SDHAF3: variants seen among roughly 807,000 people sequenced by gnomAD.
SDHAF3 encodes succinate dehydrogenase assembly factor 3, mitochondrial.
Under a neutral mutation model 11.5 loss-of-function variants are expected in SDHAF3, and 18 were observed. The ratio of observed to expected loss-of-function variants is 1.56; its 90% CI spans 1.08 to 2.32. The LOEUF (loss-of-function observed/expected upper bound fraction) is 2.32. Among genes scored for constraint, SDHAF3 ranks in the 30% most tolerant of loss-of-function variants. The pLI is 0.00. For synonymous variants in SDHAF3, 72 were observed against 59.3 expected (o/e 1.21, Z -0.99); for missense variants, 200 against 154.4 (o/e 1.30, Z -1.57).
At chr7:97,148,514 G>A (rs963003448) in intron 1 of SDHAF3, among the ~76,000 whole-genome samples, 2 of 152,108 alleles carry the variant, frequency 1.3e-5, no homozygotes, top group African/African-American at 2.4e-5. Flanking sequence ...TCCAGCCTGG[G>A]CGAAAAAGCA....
intron 1 of SDHAF3, chr7:97,135,327 T>C (rs1213049892): frequency 6.6e-6 from 1 of 152,270 alleles, no homozygotes; most frequent in African/African-American, 2.4e-5. Flanking sequence ...TTGTGGACAT[T>C]AGGATCCTTC....
intron 1 of SDHAF3, among the ~76,000 whole-genome samples, chr7:97,174,523 C>G (rs750186950): frequency 6.6e-6 from 1 of 152,158 alleles, no homozygotes; most frequent in African/African-American, 2.4e-5. Flanking sequence ...AAGATCCTGC[C>G]TCACATTTAG....
chr7:97,172,621 G>A (rs551909830), intron 1 of SDHAF3, among the ~76,000 whole-genome samples: 3 of 152,056 alleles, frequency 2.0e-5, no homozygotes, highest in African/African-American at 7.2e-5. Context: ...CTAGCCTGTG[G>A]GGAATTTCAA....
At chr7:97,141,223 C>T (rs1043619501) in intron 1 of SDHAF3, among the ~76,000 whole-genome samples, 23 of 152,250 alleles carry the variant, frequency 1.5e-4, no homozygotes, top group African/African-American at 4.8e-4. Context: ...CAATGCGTGC[C>T]GGAAACTTCA....
intron 1 of SDHAF3, among the ~76,000 whole-genome samples, chr7:97,143,934 T>C (rs911555181): frequency 1.4e-4 from 22 of 152,322 alleles, no homozygotes; most frequent in African/African-American, 5.3e-4. Context: ...GTGGCTGTAC[T>C]GGTTTACATT....
chr7:97,124,471 A>G (rs200876420), intron 1 of SDHAF3, among the ~76,000 whole-genome samples: 3 of 152,210 alleles, frequency 2.0e-5, no homozygotes, highest in East Asian at 1.9e-4. Flanking sequence ...TGTCTTGGCT[A>G]TGCGGGCTCC....
At chr7:97,127,897 GTTTTT>G (rs920829054) in intron 1 of SDHAF3, among the ~76,000 whole-genome samples, 2 of 106,260 alleles carry the variant, frequency 1.9e-5, no homozygotes, top group Non-Finnish European at 1.8e-5. Flanking sequence ...TCTACATCAA[GTTTTT>G]TTTTTTTTTT....
chr7:97,119,244 A>G (rs1351366506), intron 1 of SDHAF3, among the ~76,000 whole-genome samples: 1 of 152,216 alleles, frequency 6.6e-6, no homozygotes, highest in East Asian at 1.9e-4. Flanking sequence ...GTGGCCGTAC[A>G]GGAAGGAGAG....
chr7:97,139,983 C>T (rs1174815897), intron 1 of SDHAF3, among the ~76,000 whole-genome samples: 1 of 152,144 alleles, frequency 6.6e-6, no homozygotes, highest in African/African-American at 2.4e-5. Flanking sequence ...ATTTTATTAC[C>T]CTTGTCAAAA....
At chr7:97,146,470 C>G (rs909583087) in intron 1 of SDHAF3, among the ~76,000 whole-genome samples, 1 of 152,042 alleles carries the variant, frequency 6.6e-6, no homozygotes, top group African/African-American at 2.4e-5. Flanking sequence ...TTATTGTGAT[C>G]GTATAAATGT....
At chr7:97,179,933 A>C (rs553074592) in intron 1 of SDHAF3, among the ~76,000 whole-genome samples, 1 of 152,368 alleles carries the variant, frequency 6.6e-6, no homozygotes, top group South Asian at 2.1e-4. Flanking sequence ...CAATTTATAT[A>C]TCTCAAGCCA....
At chr7:97,123,171 G>T (rs2115616267) in intron 1 of SDHAF3, among the ~76,000 whole-genome samples, 1 of 152,030 alleles carries the variant, frequency 6.6e-6, no homozygotes, top group Middle Eastern at 3.4e-3. Flanking sequence ...AAAGGCCCAG[G>T]TATGTGATGT....
chr7:97,181,144 G>T lies in SDHAF3; in HGVS notation c.307G>T (p.Glu103Ter), dbSNP rs750385105. Reference protein sequence around the residue: ...FRDEQIGQLQELMQEATKPNR... With the variant: ...FRDEQIGQLQ The stretch of plus-strand genomic sequence containing the variant: ...TGATGAACAAATTGGACAGTTGCAG[G>T]AGCTGATGCAAGAAGCCACAAAACC... The change falls in exon 2 of 2, where the codon GAG (glutamate) becomes TAG (stop). Residue 103 changes from glutamate (E) to a stop codon, truncating the protein, a stop_gained. Coordinates refer to ENST00000432641, the MANE Select transcript of SDHAF3 (RefSeq NM_020186.3). LOFTEE classifies it high-confidence loss of function. 6.2e-7 allele frequency: 1 copy of T among 1,613,930 alleles called. No homozygotes were observed. Among genetic ancestry groups the T allele is most frequent in the South Asian group, 1.1e-5 (1 of 91,068 alleles).
At chr7:97,135,908 C>T (rs1377079368) in intron 1 of SDHAF3, among the ~76,000 whole-genome samples, 3 of 151,302 alleles carry the variant, frequency 2.0e-5, no homozygotes, top group Admixed American at 6.6e-5. Context: ...AGGATGGTCT[C>T]GATCTCCTGA....
intron 1 of SDHAF3, among the ~76,000 whole-genome samples, chr7:97,179,479 T>TG (rs55653010): frequency 0.19 from 28,730 of 147,388 alleles, 3,067 homozygotes; most frequent in Non-Finnish European, 0.26. Flanking sequence ...TTTCCATTTT[T>TG]TTTTTTTTTT....
intron 1 of SDHAF3, among the ~76,000 whole-genome samples, chr7:97,131,810 C>T (rs188440530): frequency 1.3e-5 from 2 of 152,172 alleles, no homozygotes; most frequent in African/African-American, 2.4e-5. Context: ...CTGTGATTTA[C>T]GTACAAAGAT....
intron 1 of SDHAF3, among the ~76,000 whole-genome samples, chr7:97,180,763 C>G (rs1225537140): frequency 6.6e-6 from 1 of 152,160 alleles, no homozygotes. Context: ...AGGGACTCAC[C>G]ACTCTTTACT....
intron 1 of SDHAF3, among the ~76,000 whole-genome samples, chr7:97,172,189 A>G (rs982341418): frequency 2.6e-5 from 4 of 152,214 alleles, no homozygotes; most frequent in Non-Finnish European, 5.9e-5. Flanking sequence ...AATAGCATAT[A>G]TCCATGATAT....
chr7:97,163,050 A>G (rs956933872), intron 1 of SDHAF3, among the ~76,000 whole-genome samples: 8 of 151,944 alleles, frequency 5.3e-5, no homozygotes, highest in South Asian at 4.2e-4. Flanking sequence ...TCTCTTGAGA[A>G]CTTGTTTTAT....
Sources: gnomAD v4.1 joint callset for allele counts (sites outside exome capture counted in the v4.1 genomes callset) on GRCh38, gnomAD v4.1.1 for gene constraint, MANE v1.5 for transcripts, NCBI Gene and HGNC (gene_info 2026-07-23, HGNC 2026-07-21) for gene names.